The following PDXDC1 variants were observed in gnomAD, a reference collection of about 807,000 sequenced individuals.
PDXDC1 encodes pyridoxal dependent decarboxylase domain containing 1.
A neutral mutation model predicts 100.1 loss-of-function variants in PDXDC1; 42 were observed. That is an observed-to-expected ratio of 0.42 (90% CI 0.33 to 0.54). PDXDC1 has a LOEUF of 0.54. Ranked by LOEUF, PDXDC1 falls within the 20% of genes least tolerant of loss-of-function variation. The probability of loss-of-function intolerance (pLI) is 0.10; values close to 1 mark genes in which losing one functional copy is unlikely to be tolerated. For missense variants in PDXDC1, 636 were observed against 979.2 expected (o/e 0.65, Z 4.68); for synonymous variants, 260 against 371.7 (o/e 0.70, Z 3.46).
chr16:15,044,578 G>A lies in PDXDC1; in HGVS notation c.1399+14522G>A, dbSNP rs528526750. 4.9e-6 allele frequency: 3 copies of A among 609,898 alleles called. No homozygotes were observed. The South Asian group carries it at 6.0e-5, about 12-fold the overall frequency. The allele number at this position is 609,898 out of a possible 1,614,324, so 37.8% of individuals were successfully genotyped here. A position where few individuals can be genotyped will look rare whatever the true frequency, so the allele number is the denominator to read the frequency against. Reference sequence around the variant, plus strand: ...TATCGGCAGCACACTGCCAAGGCCAGTGGCGAGCTTCTGGGGACCCTGCCC... The same window carrying A: ...TATCGGCAGCACACTGCCAAGGCCAATGGCGAGCTTCTGGGGACCCTGCCC... On this transcript the variant is annotated intron_variant, in intron 16 of 16. Coordinates refer to the PDXDC1 transcript ENST00000535621.
chr16:15,034,347 A>C lies in PDXDC1; in HGVS notation c.1874A>C (p.Gln625Pro), dbSNP rs1289591258. ...ATTCAGGAAGCTCAAGTGGAGCTGC[A>C]GAAGGCAAGTGAAGAACGGCTTCTG... ...KGIQEAQVEL[Q>P]KASEERLLEE... The change falls in exon 20 of 23, where the codon CAG (glutamine) becomes CCG (proline). Residue 625 changes from glutamine (Q) to proline (P), a missense_variant. Physicochemically the swap from Gln to Pro is moderately conservative, Grantham distance 76. Coordinates refer to ENST00000396410, the MANE Select transcript of PDXDC1 (RefSeq NM_015027.4). 1.2e-6 allele frequency: 2 copies of C among 1,613,414 alleles called. No individual in the cohort carries two copies. The highest frequency in any genetic ancestry group is 1.3e-5 in the African/African-American group (1 of 74,918).
At chr16:15,002,504 T>C (rs898002955) in intron 4 of PDXDC1, among the ~76,000 whole-genome samples, 2 of 152,300 alleles carry the variant, frequency 1.3e-5, no homozygotes, top group African/African-American at 4.8e-5. Context: ...GCACAGGAAC[T>C]TTCTCCTTTG....
At chr16:15,025,815 C>CCCT (rs1451460861) in intron 13 of PDXDC1, 1 of 152,532 alleles carries the variant, frequency 6.6e-6, no homozygotes, top group Non-Finnish European at 1.5e-5. Flanking sequence ...GCTTACGGTA[C>CCCT]CCTGACCCCA....
chr16:15,079,624 GCT>G (rs1369983865), intron 16 of PDXDC1, among the ~76,000 whole-genome samples: 1 of 149,308 alleles, frequency 6.7e-6, no homozygotes, highest in Admixed American at 6.7e-5. Context: ...ATGGAGTCTC[GCT>G]CTGTCGCCCA....
At chr16:15,091,204 G>C (rs573916322) in intron 16 of PDXDC1, 1 of 1,309,118 alleles carries the variant, frequency 7.6e-7, no homozygotes, top group South Asian at 1.4e-5. Context: ...TAAAATAAGG[G>C]AGGACCATGG....
the PDXDC1 span, among the ~76,000 whole-genome samples, chr16:15,148,747 C>T: frequency 2.6e-5 from 4 of 151,970 alleles, no homozygotes; most frequent in Admixed American, 6.6e-5. Flanking sequence ...GGATGCAAGC[C>T]GATACTGCAT....
At chr16:15,078,134 G>T (rs1272176871) in intron 16 of PDXDC1, among the ~76,000 whole-genome samples, 1 of 152,132 alleles carries the variant, frequency 6.6e-6, no homozygotes, top group Non-Finnish European at 1.5e-5. Context: ...TGTTCCTTAA[G>T]TATATACCAG....
downstream of PDXDC1, among the ~76,000 whole-genome samples, chr16:15,140,976 C>G (rs1451960881): frequency 1.3e-5 from 2 of 152,112 alleles, no homozygotes; most frequent in African/African-American, 4.8e-5. Flanking sequence ...TTGCTCTTCC[C>G]AGCAATGACC....
Position 15,033,379 on chromosome 16 carries a change from G to C in PDXDC1, c.1792G>C (p.Glu598Gln). ...GGAGACCATTGCGGCCACAGCCCGG[G>C]AGATAGAGGAGAACTCGAGGGTCCG... ...LVETIAATAR[E>Q]IEENSRLLEN... The change falls in exon 19 of 23, where the codon GAG (glutamate) becomes CAG (glutamine). Residue 598 changes from glutamate to glutamine, a missense_variant. This residue lies in a region of PDXDC1 where 452 missense variants were observed against 402.9 expected (regional missense o/e 1.12). Transcript: ENST00000396410. 3.1e-6 allele frequency: 5 copies of C among 1,614,196 alleles called. No individual in the cohort carries two copies. Among genetic ancestry groups the C allele is most frequent in the Admixed American group, 1.7e-5 (1 of 60,036 alleles).
At chr16:15,109,745 G>C (rs1318151620) in intron 16 of PDXDC1, among the ~76,000 whole-genome samples, 1 of 124,050 alleles carries the variant, frequency 8.1e-6, no homozygotes, top group African/African-American at 2.8e-5. Context: ...CAAGCTACTC[G>C]GGAAGCTGAG....
Position 15,035,864 on chromosome 16 carries a change from C to T in PDXDC1, c.2108-152C>T, listed in dbSNP as rs548838541. 1.7e-5 allele frequency: 14 copies of T among 828,064 alleles called. 1 individual carries two copies. Among genetic ancestry groups the T allele is most frequent in the South Asian group, 1.4e-4 (8 of 58,470 alleles). The allele number at this position is 828,064 out of a possible 1,614,324, so 51.3% of individuals were successfully genotyped here. On this transcript the variant is annotated intron_variant, in intron 22 of 22. Coordinates refer to ENST00000396410, the MANE Select transcript of PDXDC1 (RefSeq NM_015027.4). ...ATGTTGGTGTCAAGCTAGCAGCTCT[C>T]GGTTTTCTCATCTCCTAAAACACCT...
At chr16:15,022,299 T>G (rs4985127) in intron 12 of PDXDC1, among the ~76,000 whole-genome samples, 71,529 of 150,470 alleles carry the variant, frequency 0.48, 14,143 homozygotes, top group Non-Finnish European at 0.61. Context: ...AATTGACTTA[T>G]CCGTGGTCCT....
intron 16 of PDXDC1, chr16:15,061,535 G>A (rs1287052161): frequency 6.6e-6 from 3 of 452,560 alleles, no homozygotes; most frequent in Non-Finnish European, 1.2e-5. Flanking sequence ...GCACATGATA[G>A]TCTTCATTTT....
At chr16:15,031,293 T>C (rs2043050922) in intron 16 of PDXDC1, among the ~76,000 whole-genome samples, 1 of 152,056 alleles carries the variant, frequency 6.6e-6, no homozygotes, top group African/African-American at 2.4e-5. Flanking sequence ...AGTAAGCCAG[T>C]GAGCCCTGAG....
intron 16 of PDXDC1, chr16:15,068,121 A>G: frequency 6.7e-7 from 1 of 1,491,232 alleles, no homozygotes; most frequent in South Asian, 1.2e-5. Flanking sequence ...ATAAACATAA[A>G]TAAAAATATT....
intron 8 of PDXDC1, 22 bp from the exon 9 acceptor site, chr16:15,016,107 G>A: frequency 6.2e-7 from 1 of 1,614,082 alleles, no homozygotes; most frequent in Non-Finnish European, 8.5e-7. Flanking sequence ...TCCTTTTAAT[G>A]CCCTGATGTG....
At chr16:14,984,450 AGAGAGTGT>A (rs1968795121) in intron 1 of PDXDC1, among the ~76,000 whole-genome samples, 3 of 105,456 alleles carry the variant, frequency 2.8e-5, no homozygotes, top group African/African-American at 7.6e-5. Flanking sequence ...AGAGAGAGAG[AGAGAGTGT>A]GTGTGTGTGT....
intron 13 of PDXDC1, among the ~76,000 whole-genome samples, chr16:15,024,658 G>T (rs543854238): frequency 1.3e-5 from 2 of 152,368 alleles, no homozygotes; most frequent in East Asian, 3.9e-4. Context: ...TGATCCACCC[G>T]CCTCAGCCTC....
intron 16 of PDXDC1, among the ~76,000 whole-genome samples, chr16:15,122,088 C>T (rs949967874): frequency 6.6e-6 from 1 of 151,098 alleles, no homozygotes; most frequent in Non-Finnish European, 1.5e-5. Flanking sequence ...TGCTTGAACC[C>T]CGGAAGCGGA....
Sources: gnomAD v4.1 joint callset for allele counts (sites outside exome capture counted in the v4.1 genomes callset) on GRCh38, gnomAD v4.1.1 for gene constraint, gnomAD v4.1.1 regional missense constraint, MANE v1.5 for transcripts, NCBI Gene and HGNC (gene_info 2026-07-23, HGNC 2026-07-21) for gene names.